SCN3A: variants seen among roughly 807,000 people sequenced by gnomAD.
SCN3A encodes sodium channel protein type 3 subunit alpha.
In SCN3A, 60 loss-of-function variants were observed where a neutral mutation model predicts 187.6. The ratio of observed to expected loss-of-function variants is 0.32; its 90% CI spans 0.26 to 0.40. The LOEUF (loss-of-function observed/expected upper bound fraction) is 0.40. Ranked by LOEUF, SCN3A falls within the 10% of genes least tolerant of loss-of-function variation. The pLI, the probability that SCN3A is intolerant of heterozygous loss-of-function variation, is 1.00. For synonymous variants in SCN3A, 788 were observed against 829.2 expected (o/e 0.95, Z 0.85); for missense variants, 1,601 against 2,428.2 (o/e 0.66, Z 7.16).
chr2:165,178,863 T>C (rs1277374312), intron 2 of SCN3A, among the ~76,000 whole-genome samples: 1 of 152,204 alleles, frequency 6.6e-6, no homozygotes, highest in Non-Finnish European at 1.5e-5. Flanking sequence ...AACTAATGTT[T>C]TTAGCCATCT....
intron 15 of SCN3A, among the ~76,000 whole-genome samples, chr2:165,134,785 G>T (rs1420561423): frequency 6.6e-6 from 1 of 151,698 alleles, no homozygotes; most frequent in African/African-American, 2.4e-5. Flanking sequence ...TTTGAAATAG[G>T]CACTCTGATG....
In SCN3A at chr2:165,170,486, A is replaced by G; in HGVS notation, c.327T>C (p.Tyr109=). The G allele has an allele frequency of 6.2e-7, 1 of 1,611,888 alleles. No individual in the cohort carries two copies. Among genetic ancestry groups the G allele is most frequent in the Non-Finnish European group, 8.5e-7 (1 of 1,178,548 alleles). The part of the protein sequence containing the change: ...IFRFSATSAL[Y]ILTPLNPVRK... ...TAACAGGGTTTAGTGGAGTTAAAAT[A>G]TACAAGGCAGAGGTGGCACTGAATC... The change falls in exon 4 of 28, where the codon TAT becomes TAC. Residue 109 remains tyrosine, a synonymous_variant. Coordinates refer to ENST00000283254, the MANE Select transcript of SCN3A (RefSeq NM_006922.4).
rs1332062213 is a variant in SCN3A at position 165,170,537 on chromosome 2, T to C, written c.276A>G (p.Val92=). The C allele has an allele frequency of 1.6e-5, 26 of 1,598,390 alleles. No homozygotes were observed. In the East Asian group the frequency reaches 5.6e-4, roughly 34 times the overall value. The change falls in exon 4 of 28, where the codon GTA becomes GTG. Residue 92 remains valine, a synonymous_variant. Transcript: ENST00000283254. The stretch of plus-strand genomic sequence containing the variant: ...GGAAAATTGCCTTTCCTTTATTCAT[T>C]ACTATAAAAGTCTGAAAAAGAAAAT... ...PYYINKKTFI[V]MNKGKAIFRF... is the part of the protein sequence containing the mutation.
intron 11 of SCN3A, among the ~76,000 whole-genome samples, chr2:165,152,073 T>C (rs115739284): frequency 5.9e-5 from 9 of 151,974 alleles, no homozygotes; most frequent in African/African-American, 1.2e-4. Flanking sequence ...GAAACAAAGA[T>C]CAATAATTTT....
intron 21 of SCN3A, among the ~76,000 whole-genome samples, chr2:165,103,391 A>G (rs1685698410): frequency 6.6e-6 from 1 of 152,204 alleles, no homozygotes; most frequent in Non-Finnish European, 1.5e-5. Context: ...TTTTCACCTT[A>G]GCAAATTTGT....
chr2:165,169,113 GGAA>G (rs1270147267), intron 4 of SCN3A, among the ~76,000 whole-genome samples: 2 of 151,666 alleles, frequency 1.3e-5, no homozygotes, highest in Admixed American at 6.6e-5. Flanking sequence ...AAATTGCCCT[GGAA>G]GAAGAACTCA....
chr2:165,160,885 C>A (rs1689322556), intron 9 of SCN3A, among the ~76,000 whole-genome samples: 1 of 152,100 alleles, frequency 6.6e-6, no homozygotes, highest in Admixed American at 6.5e-5. Context: ...AAGTAATCCC[C>A]CTGCCTCTGC....
chr2:165,154,763 T>A lies in SCN3A; in HGVS notation c.1174-105A>T, dbSNP rs998746010. 1.5e-5 allele frequency: 17 copies of A among 1,116,776 alleles called. No individual in the cohort carries two copies. In the African/African-American group the frequency reaches 2.0e-4, roughly 13 times the overall value. 69.2% of individuals were successfully genotyped at this position (1,116,776 alleles called of 1,614,324 possible). The stretch of plus-strand genomic sequence containing the variant: ...GTCAGTAGACTAATTAGCTTTTTAG[T>A]ATCCAGTTTATTTTCACCAAGAATT... On this transcript the variant is annotated intron_variant, in intron 10 of 27. Transcript: ENST00000283254.
In SCN3A at chr2:165,147,056, T is replaced by C. The variant is rs748175311; in HGVS notation, c.1381-27A>G. The C allele has an allele frequency of 5.6e-6, 9 of 1,613,252 alleles. No homozygotes were observed. In the East Asian group the frequency reaches 2.0e-4, roughly 36 times the overall value. On this transcript the variant is annotated intron_variant, in intron 11 of 27. Transcript: ENST00000283254. ...TGTCATAAAACAAAGCCAGGCACTATTTAGAACACAGAGCTTTGAAAACAG... is the reference window on the plus strand; with the variant it reads ...TGTCATAAAACAAAGCCAGGCACTACTTAGAACACAGAGCTTTGAAAACAG...
At chr2:165,139,087 C>T (rs569989076) in intron 14 of SCN3A, among the ~76,000 whole-genome samples, 31 of 152,186 alleles carry the variant, frequency 2.0e-4, no homozygotes, top group Non-Finnish European at 2.9e-4. Flanking sequence ...TAAGTGCTCC[C>T]GCAACCCCAT....
intron 1 of SCN3A, among the ~76,000 whole-genome samples, chr2:165,190,440 G>A (rs553174778): frequency 2.7e-5 from 4 of 150,654 alleles, no homozygotes; most frequent in Non-Finnish European, 5.9e-5. Context: ...CTTAACAGAT[G>A]TATCACATAC....
At chr2:165,184,826 C>T (rs755940063) in intron 2 of SCN3A, among the ~76,000 whole-genome samples, 3 of 152,146 alleles carry the variant, frequency 2.0e-5, no homozygotes, top group Admixed American at 6.5e-5. Context: ...ACCTCTTGCT[C>T]TCAGTGTGTT....
intron 15 of SCN3A, among the ~76,000 whole-genome samples, chr2:165,131,962 T>G (rs1687355152): frequency 6.6e-6 from 1 of 152,082 alleles, no homozygotes; most frequent in Non-Finnish European, 1.5e-5. Flanking sequence ...TAGTATTCCA[T>G]GGTGTATATG....
chr2:165,192,661 C>G (rs1691686682), intron 1 of SCN3A, among the ~76,000 whole-genome samples: 1 of 152,152 alleles, frequency 6.6e-6, no homozygotes, highest in Non-Finnish European at 1.5e-5. Flanking sequence ...CCTCTGACAT[C>G]TGGCGTTCAA....
Position 165,140,676 on chromosome 2 carries a change from G to A in SCN3A, c.1994C>T (p.Ser665Leu), listed in dbSNP as rs767187891. Reference protein sequence around the residue: ...SLVGGPSALTSPTGQLPPEGT... With the variant: ...SLVGGPSALTLPTGQLPPEGT... Reference sequence around the variant, plus strand: ...CTCTGGGGGAAGTTGTCCAGTAGGTGACGTTAGAGCTGAAGGTCCACCCAC... The same window carrying A: ...CTCTGGGGGAAGTTGTCCAGTAGGTAACGTTAGAGCTGAAGGTCCACCCAC... Residue 665 changes from serine to leucine, a missense_variant, in exon 13 of 28, where the codon TCA (serine) becomes TTA (leucine). Physicochemically the swap from Ser to Leu is moderately radical, Grantham distance 145. This residue lies in a region of SCN3A where 376 missense variants were observed against 476.0 expected (regional missense o/e 0.79). Coordinates refer to ENST00000283254, the MANE Select transcript of SCN3A (RefSeq NM_006922.4). The surrounding 1 kb of genome is among the most constrained non-coding windows in gnomAD (Gnocchi z 4.2). The A allele has an allele frequency of 1.9e-6, 3 of 1,614,020 alleles. No homozygotes were observed. Among genetic ancestry groups the A allele is most frequent in the Non-Finnish European group, 1.7e-6 (2 of 1,179,960 alleles).
chr2:165,103,337 C>T (rs1278079210), intron 21 of SCN3A, among the ~76,000 whole-genome samples: 1 of 152,126 alleles, frequency 6.6e-6, no homozygotes, highest in Non-Finnish European at 1.5e-5. Flanking sequence ...CACAGGTAAA[C>T]ATATAACTAG....
chr2:165,189,016 G>T (rs958625597), intron 1 of SCN3A, among the ~76,000 whole-genome samples: 3 of 152,074 alleles, frequency 2.0e-5, no homozygotes, highest in African/African-American at 7.2e-5. Flanking sequence ...TAAAGAATAT[G>T]ATCTGAGTGC....
Position 165,164,526 on chromosome 2 carries a change from A to G in SCN3A, c.474-6T>C, listed in dbSNP as rs1325700311. The G allele has an allele frequency of 1.9e-6, 3 of 1,613,450 alleles. No individual in the cohort carries two copies. The highest frequency in any genetic ancestry group is 8.5e-7 in the Non-Finnish European group (1 of 1,179,538). ...AGATTCCAGTGAATGTGTACCTAGG[A>G]AAAACATCCAAGCCAAAATTAACAA... is the stretch of plus-strand genomic sequence containing the variant. On this transcript the variant is annotated splice_region_variant and splice_polypyrimidine_tract_variant and intron_variant, in intron 5 of 27. Transcript: ENST00000283254.
chr2:165,178,512 G>A (rs1490825073), intron 2 of SCN3A, among the ~76,000 whole-genome samples: 1 of 152,188 alleles, frequency 6.6e-6, no homozygotes, highest in East Asian at 1.9e-4. Context: ...TTACAGCGGT[G>A]AGCCAATGCA....
Sources: allele counts gnomAD v4.1 joint callset (sites outside exome capture counted in the v4.1 genomes callset), GRCh38; gene constraint gnomAD v4.1.1; regional missense constraint gnomAD v4.1.1; non-coding constraint Gnocchi (gnomAD v3.1); transcripts MANE v1.5; gene names NCBI Gene and HGNC (gene_info 2026-07-23, HGNC 2026-07-21).